The following INVS variants were observed in gnomAD, a reference collection of about 807,000 sequenced individuals.
The protein encoded by INVS is inversion of embryo turning homolog.
Under a neutral mutation model 108.8 loss-of-function variants are expected in INVS, and 86 were observed. The ratio of observed to expected loss-of-function variants is 0.79; its 90% CI spans 0.66 to 0.95. The LOEUF (loss-of-function observed/expected upper bound fraction) is 0.95. Ranked by LOEUF, INVS falls within the 40% of genes least tolerant of loss-of-function variation. INVS has a pLI of 0.00. For synonymous variants in INVS, 455 were observed against 473.5 expected (o/e 0.96, Z 0.51); for missense variants, 1,169 against 1,297.4 (o/e 0.90, Z 1.52).
intron 3 of INVS, among the ~76,000 whole-genome samples, chr9:100,182,283 A>G (rs1323045531): frequency 6.6e-6 from 1 of 152,236 alleles, no homozygotes; most frequent in Non-Finnish European, 1.5e-5. Context: ...ATTAAACTAA[A>G]GAGCTTTGGC....
At chr9:100,154,799 C>A (rs571323003) in intron 3 of INVS, among the ~76,000 whole-genome samples, 39 of 151,988 alleles carry the variant, frequency 2.6e-4, no homozygotes, top group African/African-American at 9.4e-4. Flanking sequence ...AGACTCTTAC[C>A]TAAAGGGAGA....
intron 3 of INVS, chr9:100,175,727 G>C (rs1209060188): frequency 1.6e-6 from 1 of 627,718 alleles, no homozygotes; most frequent in Non-Finnish European, 3.0e-6. Context: ...TTTCAATGCA[G>C]AGCAACCAGA....
chr9:100,168,661 G>A (rs1361991376), intron 3 of INVS, among the ~76,000 whole-genome samples: 1 of 152,070 alleles, frequency 6.6e-6, no homozygotes, highest in Non-Finnish European at 1.5e-5. Flanking sequence ...GTCAAATATC[G>A]GCCTTATTCA....
chr9:100,254,797 C>T (rs1832360503), intron 10 of INVS, among the ~76,000 whole-genome samples: 1 of 152,016 alleles, frequency 6.6e-6, no homozygotes, highest in Non-Finnish European at 1.5e-5. Context: ...GGTGCCAGTA[C>T]CATGCTGTTT....
chr9:100,126,277 A>G, intron 2 of INVS, 106 bp from the exon 3 acceptor site: 1 of 880,194 alleles, frequency 1.1e-6, no homozygotes, highest in Non-Finnish European at 1.8e-6. Context: ...AAGATGATAT[A>G]CTTAAGCATT....
At position 100,297,962 on chromosome 9, in the gene INVS, CA is replaced by C. The variant is rs1411777667; in HGVS notation, c.3044del (p.His1015LeufsTer6). ...YGCSHEGKIH[H>X]PTRSVKASSV... ...TTGTTCTCACGAAGGGAAAATACAT[CA>C]TCCTACAAGATCTGTAAAAGCCTCT... On this transcript the variant is annotated frameshift_variant, in exon 16 of 17. Transcript: ENST00000262457. LOFTEE classifies it high-confidence loss of function. 2.5e-6 allele frequency: 4 copies of C among 1,614,066 alleles called. No individual in the cohort carries two copies. The highest frequency in any genetic ancestry group is 1.7e-6 in the Non-Finnish European group (2 of 1,180,014).
intron 3 of INVS, among the ~76,000 whole-genome samples, chr9:100,181,722 A>G (rs1429813133): frequency 6.6e-6 from 1 of 152,214 alleles, no homozygotes; most frequent in Non-Finnish European, 1.5e-5. Context: ...TGCTATCCCC[A>G]TCAAGCTACC....
chr9:100,175,479 T>A, intron 3 of INVS: 1 of 822,694 alleles, frequency 1.2e-6, no homozygotes, highest in South Asian at 1.4e-5. Flanking sequence ...CAGTGATAGA[T>A]TTCAGAGACA....
At chr9:100,205,663 C>T (rs1478507204) in intron 3 of INVS, among the ~76,000 whole-genome samples, 9 of 151,534 alleles carry the variant, frequency 5.9e-5, no homozygotes, top group Admixed American at 5.9e-4. Context: ...ATTTTCTATT[C>T]CAAATCATCA....
intron 3 of INVS, chr9:100,131,017 GTGATAGTGAAC>G (rs1828040992): frequency 6.6e-6 from 1 of 152,164 alleles, no homozygotes; most frequent in African/African-American, 2.4e-5. Flanking sequence ...TTGTGTGTGT[GTGATAGTGAAC>G]TGTATTATGT....
chr9:100,252,234 G>T (rs377068989), intron 8 of INVS, 49 bp from the exon 9 acceptor site: 3 of 1,569,700 alleles, frequency 1.9e-6, no homozygotes, highest in Non-Finnish European at 2.6e-6. Context: ...AATTTAAAAG[G>T]TGAAGTTGTT....
chr9:100,173,755 A>G (rs1191717262), intron 3 of INVS, among the ~76,000 whole-genome samples: 6 of 152,128 alleles, frequency 3.9e-5, no homozygotes, highest in Non-Finnish European at 5.9e-5. Context: ...GAAAAACAGA[A>G]GAGATTTTCC....
In INVS at chr9:100,209,541, C is replaced by T. The variant is rs1415791065; in HGVS notation, c.274-16521C>T. 3.9e-5 allele frequency among the ~76,000 whole-genome samples: 6 copies of T among 152,062 alleles called. No individual in the cohort carries two copies. In the South Asian group the frequency reaches 6.2e-4, roughly 16 times the overall value. On this transcript the variant is annotated intron_variant, in intron 3 of 16. Coordinates refer to ENST00000262457, the MANE Select transcript of INVS (RefSeq NM_014425.5). ...ATCCCAGCACTTTGGGAGGCCAAGG[C>T]GGGAGGATCACAAGGTCAGGAGATC...
At chr9:100,252,778 C>T in intron 9 of INVS, 129 bp from the exon 10 acceptor site, 1 of 743,698 alleles carries the variant, frequency 1.3e-6, no homozygotes, top group Non-Finnish European at 2.3e-6. Flanking sequence ...ATTAAAGGAA[C>T]AATTGTTATT....
At chr9:100,296,652 A>G (rs900267810) in intron 14 of INVS, among the ~76,000 whole-genome samples, 2 of 152,104 alleles carry the variant, frequency 1.3e-5, no homozygotes, top group Non-Finnish European at 2.9e-5. Context: ...TGCCACACGT[A>G]CCTCTTTACA....
chr9:100,220,136 T>TA (rs1564163313), intron 3 of INVS, among the ~76,000 whole-genome samples: 6 of 151,444 alleles, frequency 4.0e-5, no homozygotes, highest in African/African-American at 7.3e-5. Flanking sequence ...TGCTTTTTTT[T>TA]TAAAAAAAGG....
intron 3 of INVS, among the ~76,000 whole-genome samples, chr9:100,167,823 C>T (rs117188215): frequency 0.021 from 3,224 of 152,204 alleles, 59 homozygotes; most frequent in Non-Finnish European, 0.033. Flanking sequence ...TAATAATTCT[C>T]CCAGGTGATC....
In INVS at chr9:100,099,425, G is replaced by C. The variant is rs1175013220; in HGVS notation, c.-25+9G>C. Reference sequence around the variant, plus strand: ...TCCTGGAGGAGGCGAGGGTGAGTAGGAGGGGGCCTGGCTGGGGAGGCTCAG... The same window carrying C: ...TCCTGGAGGAGGCGAGGGTGAGTAGCAGGGGGCCTGGCTGGGGAGGCTCAG... On this transcript the variant is annotated intron_variant, in intron 1 of 16. Transcript: ENST00000262457. 6.5e-6 allele frequency: 1 copy of C among 153,184 alleles called. No homozygotes were observed. The highest frequency in any genetic ancestry group is 2.4e-5 in the African/African-American group (1 of 41,468). 9.5% of individuals were successfully genotyped at this position (153,184 alleles called of 1,614,324 possible). A position where few individuals can be genotyped will look rare whatever the true frequency, so the allele number is the denominator to read the frequency against.
chr9:100,188,866 A>G (rs934006383), intron 3 of INVS, among the ~76,000 whole-genome samples: 4 of 151,824 alleles, frequency 2.6e-5, no homozygotes, highest in Non-Finnish European at 5.9e-5. Flanking sequence ...TACTGAGTCA[A>G]TCTCATTGCT....
Sources: allele counts gnomAD v4.1 joint callset (sites outside exome capture counted in the v4.1 genomes callset), GRCh38; gene constraint gnomAD v4.1.1; transcripts MANE v1.5; gene names NCBI Gene and HGNC (gene_info 2026-07-23, HGNC 2026-07-21).